LTN1: variants seen among roughly 807,000 people sequenced by gnomAD.
The protein encoded by LTN1 is listerin E3 ubiquitin protein ligase 1.
LTN1 carries 88 observed loss-of-function variants against 201.2 expected under a neutral mutation model. The ratio of observed to expected loss-of-function variants is 0.44; its 90% confidence interval spans 0.37 to 0.52. The LOEUF is 0.52. LTN1 is among the 20% of genes least tolerant of loss of function. LTN1 has a pLI of 0.00. For missense variants in LTN1, 1,752 were observed against 2,038.7 expected, an observed-to-expected ratio of 0.86 and a Z score of 2.71; for synonymous variants, 645 against 713.5, an observed-to-expected ratio of 0.90 and a Z score of 1.53.
At chr21:28,977,701 T>C (rs1247407484) in intron 6 of LTN1, among the ~76,000 whole-genome samples, 1 of 152,078 alleles carries the variant, frequency 6.6e-6, no homozygotes, top group Non-Finnish European at 1.5e-5. Flanking sequence ...CCAGTCCAAG[T>C]GACCGAGTGA....
At chr21:28,957,588 A>C in intron 14 of LTN1, 112 bp from the exon 15 acceptor site, 1 of 654,868 alleles carries the variant, frequency 1.5e-6, no homozygotes, top group Non-Finnish European at 2.3e-6. Flanking sequence ...AGAAATGATG[A>C]AAATAAAAAG....
At chr21:28,956,984 T>C (rs1281676447) in intron 15 of LTN1, 36 bp from the exon 16 acceptor site, 3 of 1,298,216 alleles carry the variant, frequency 2.3e-6, no homozygotes. Context: ...AAATTATTTA[T>C]TACCTAAGCA....
At position 28,944,543 on chromosome 21, in the gene LTN1, G is replaced by A; in HGVS notation, c.3822C>T (p.Ala1274=). ...LYSIPLVQLF[A]CVSCDLACDL... ...CACAGGCCAAATCACAGCTGACACA[G>A]GCAAACAGTTGCACAAGTGGAATAG... The change falls in exon 22 of 30, where the codon GCC becomes GCT. Residue 1274 remains alanine, a synonymous_variant. Transcript: ENST00000361371. 2 of 1,613,908 alleles carry A rather than the reference G, an allele frequency of 1.2e-6. No homozygotes were observed. Among genetic ancestry groups the A allele is most frequent in the Non-Finnish European group, 8.5e-7 (1 of 1,179,950 alleles).
At chr21:28,934,989 T>G (rs2084242646) in intron 27 of LTN1, 120 bp downstream of exon 27, 2 of 716,956 alleles carry the variant, frequency 2.8e-6, no homozygotes, top group Non-Finnish European at 4.7e-6. Flanking sequence ...GAGCCACGAC[T>G]CCTGGCCACC....
chr21:28,953,134 G>T (rs989992106), intron 17 of LTN1, 83 bp downstream of exon 17: 9 of 862,086 alleles, frequency 1.0e-5, no homozygotes, highest in Non-Finnish European at 1.6e-5. Context: ...ACATTAGCAT[G>T]CAGTAGGGTT....
chr21:28,986,348 C>A lies in LTN1; in HGVS notation c.247-111G>T. On this transcript the variant is annotated intron_variant, in intron 2 of 29. Coordinates refer to ENST00000361371, the MANE Select transcript of LTN1 (RefSeq NM_015565.3). The surrounding 1 kb of genome is among the most constrained non-coding windows in gnomAD (Gnocchi z 4.1). ...TATGTAATAGGAGAATACACTATTTCTCTTTATGCCATATGAGACTAGTTT... is the reference window on the plus strand; with the variant it reads ...TATGTAATAGGAGAATACACTATTTATCTTTATGCCATATGAGACTAGTTT... The A allele has an allele frequency of 1.4e-6, 1 of 725,928 alleles. No individual in the cohort carries two copies. The highest frequency in any genetic ancestry group is 1.6e-5 in the South Asian group (1 of 62,818). The allele number at this position is 725,928 out of a possible 1,614,324, so 45.0% of individuals were successfully genotyped here.
At chr21:28,937,733 G>A (rs1439003313) in intron 25 of LTN1, among the ~76,000 whole-genome samples, 2 of 152,100 alleles carry the variant, frequency 1.3e-5, no homozygotes, top group African/African-American at 2.4e-5. Context: ...ATGCTTAAAG[G>A]AAATGCTCCT....
Position 28,991,535 on chromosome 21 carries a change from G to C in LTN1, c.42+1229C>G, listed in dbSNP as rs146641576. 2.2e-3 allele frequency among the ~76,000 whole-genome samples: 340 copies of C among 152,294 alleles called. 1 individual carries two copies. Among genetic ancestry groups the C allele is most frequent in the African/African-American group, 7.8e-3 (324 of 41,552 alleles). ...AAGTTCAGAAAAATACATAAATTAA[G>C]AGAGAGAAAGCAAATGCAACCAAGT... On this transcript the variant is annotated intron_variant, in intron 1 of 29. Transcript: ENST00000361371.
intron 5 of LTN1, 34 bp from the exon 6 acceptor site, chr21:28,981,333 T>C: frequency 8.1e-7 from 1 of 1,240,234 alleles, no homozygotes; most frequent in Non-Finnish European, 1.1e-6. Flanking sequence ...TATTTAAAAA[T>C]TTAGAATTAG....
At chr21:28,938,401 T>C (rs1289646225) in intron 25 of LTN1, among the ~76,000 whole-genome samples, 1 of 152,204 alleles carries the variant, frequency 6.6e-6, no homozygotes, top group African/African-American at 2.4e-5. Context: ...TGTTAAAAGA[T>C]GTATGTAACT....
rs781755615 is a variant in LTN1, at chr21:28,943,634, C to G, written c.4220+33G>C. 8.9e-6 allele frequency: 13 copies of G among 1,454,682 alleles called. No homozygotes were observed. In the Admixed American group the frequency reaches 1.2e-4, roughly 13 times the overall value. The allele number at this position is 1,454,682 out of a possible 1,614,324, so 90.1% of individuals were successfully genotyped here. On this transcript the variant is annotated intron_variant, in intron 23 of 29. Coordinates refer to ENST00000361371, the MANE Select transcript of LTN1 (RefSeq NM_015565.3). ...GCATATATTCTATTTTTTTAGACCA[C>G]TGTAACATTGATTCAATTGGATGAA...
chr21:28,970,488 G>A (rs2084564635), intron 8 of LTN1, 64 bp downstream of exon 8: 1 of 1,080,284 alleles, frequency 9.3e-7, no homozygotes, highest in Non-Finnish European at 1.4e-6. Context: ...AAGTAAGAAA[G>A]AAAATGAGTA....
chr21:28,973,091 T>C (rs532021645), intron 6 of LTN1, among the ~76,000 whole-genome samples: 1 of 152,252 alleles, frequency 6.6e-6, no homozygotes, highest in South Asian at 2.1e-4. Flanking sequence ...CTCACATCTG[T>C]AATCCCAGAA....
At chr21:28,967,266 T>G (rs532294947) in intron 9 of LTN1, 87 bp from the exon 10 acceptor site, 25 of 910,358 alleles carry the variant, frequency 2.7e-5, no homozygotes, top group Non-Finnish European at 4.1e-5. Context: ...CCTTGGAATC[T>G]CCAAAGTGAT....
intron 27 of LTN1, among the ~76,000 whole-genome samples, chr21:28,934,102 A>C (rs2084234905): frequency 1.3e-5 from 2 of 151,734 alleles, no homozygotes; most frequent in South Asian, 4.2e-4. Context: ...TCCCACTCAG[A>C]TCACAAGGCA....
intron 1 of LTN1, among the ~76,000 whole-genome samples, chr21:28,988,148 A>C (rs1315300838): frequency 2.1e-5 from 3 of 145,288 alleles, no homozygotes; most frequent in African/African-American, 7.6e-5. Context: ...TCTCAAAAAA[A>C]AAAAAAAACA....
intron 8 of LTN1, 145 bp from the exon 9 acceptor site, chr21:28,969,746 A>G: frequency 1.9e-6 from 1 of 521,396 alleles, no homozygotes; most frequent in South Asian, 3.5e-5. Flanking sequence ...AATACCAATG[A>G]AAATACATAT....
At position 28,961,959 on chromosome 21, in the gene LTN1, C is replaced by T. The variant is rs115143604; in HGVS notation, c.2164-1253G>A. On this transcript the variant is annotated intron_variant, in intron 11 of 29. Transcript: ENST00000361371. ...CCGGGAGGCAGAAGTTGCAGTGAGA[C>T]GAGATGTTGCAACTGCACTCCAGCC... 1.8e-3 allele frequency among the ~76,000 whole-genome samples: 276 copies of T among 151,964 alleles called. 1 individual carries two copies. The highest frequency in any genetic ancestry group is 6.2e-3 in the African/African-American group (257 of 41,434).
At position 28,935,149 on chromosome 21, in the gene LTN1, G is replaced by A. The variant is rs372185078; in HGVS notation, c.4835C>T (p.Ser1612Phe). The A allele has an allele frequency of 1.1e-4, 185 of 1,612,690 alleles. No homozygotes were observed. The highest frequency in any genetic ancestry group is 1.4e-4 in the Non-Finnish European group (170 of 1,178,888). Residue 1612 changes from serine to phenylalanine, a missense_variant, in exon 27 of 30, where the codon TCT becomes TTT. By Grantham distance (155) the Ser-to-Phe change is radical. This residue lies in a region of LTN1 where 261 missense variants were observed against 350.1 expected (regional missense o/e 0.75). Coordinates refer to ENST00000361371, the MANE Select transcript of LTN1 (RefSeq NM_015565.3). ...VSSVLSFQEI[S>F]SVQTSTQLFN... Reference sequence around the variant, plus strand: ...TAGTTGTGTACTTGTTTGTACAGAAGATATTTCTTGAAAAGAAAGAACACT... The same window carrying A: ...TAGTTGTGTACTTGTTTGTACAGAAAATATTTCTTGAAAAGAAAGAACACT...
Sources: allele counts gnomAD v4.1 joint callset (sites outside exome capture counted in the v4.1 genomes callset), GRCh38; gene constraint gnomAD v4.1.1; regional missense constraint gnomAD v4.1.1; non-coding constraint Gnocchi (gnomAD v3.1); transcripts MANE v1.5; gene names NCBI Gene and HGNC (gene_info 2026-07-23, HGNC 2026-07-21).